The following TPRA1 variants were observed in gnomAD, a reference collection of about 807,000 sequenced individuals.
The protein encoded by TPRA1 is transmembrane protein adipocyte-associated 1.
Under a neutral mutation model 40.1 loss-of-function variants are expected in TPRA1, and 28 were observed. The observed-to-expected ratio is 0.70, with a 90% CI of 0.52 to 0.96. The LOEUF (loss-of-function observed/expected upper bound fraction) is 0.96, where lower values mean the gene tolerates loss of function less well. Among genes scored for constraint, TPRA1 ranks in the 40% least tolerant of loss-of-function variants. TPRA1 has a pLI of 0.00. For synonymous variants in TPRA1, 219 were observed against 209.7 expected (o/e 1.04, Z -0.38); for missense variants, 441 against 482.6 (o/e 0.91, Z 0.81).
Position 127,575,817 on chromosome 3 carries a change from G to A in TPRA1, c.610-8C>T, listed in dbSNP as rs747152835. 13 of 1,613,740 alleles carry A rather than the reference G, an allele frequency of 8.1e-6. No individual in the cohort carries two copies. Among genetic ancestry groups the A allele is most frequent in the Middle Eastern group, 1.6e-4 (1 of 6,084 alleles). On this transcript the variant is annotated splice_polypyrimidine_tract_variant and splice_region_variant and intron_variant, in intron 7 of 10. Transcript: ENST00000355552. ...GACCACCAGAGAGTAGACCTACAGA[G>A]ACAGGCAGGGCTGAGAAGGTGCTGG...
intron 3 of TPRA1, among the ~76,000 whole-genome samples, chr3:127,579,305 C>G (rs1446793831): frequency 6.6e-6 from 1 of 152,230 alleles, no homozygotes; most frequent in African/African-American, 2.4e-5. Flanking sequence ...CTAGTACCAG[C>G]TCCCCAATTC....
intron 1 of TPRA1, 197 bp from the exon 2 acceptor site, chr3:127,580,360 C>G: frequency 1.7e-6 from 1 of 586,364 alleles, no homozygotes; most frequent in South Asian, 2.2e-5. Flanking sequence ...CCCAGTCCCC[C>G]ATCTCAGGCT....
intron 3 of TPRA1, among the ~76,000 whole-genome samples, chr3:127,578,035 G>A (rs796344734): frequency 5.3e-5 from 8 of 152,280 alleles, no homozygotes; most frequent in African/African-American, 1.9e-4. Context: ...AGATGGAGAT[G>A]GTGCCCCAGC....
chr3:127,579,906 G>A (rs376904444), intron 2 of TPRA1, 34 bp from the exon 3 acceptor site: 57 of 1,611,424 alleles, frequency 3.5e-5, no homozygotes, highest in African/African-American at 2.3e-4. Flanking sequence ...GCTCACTGGC[G>A]AGGCCACATA....
intron 8 of TPRA1, 90 bp from the exon 9 acceptor site, chr3:127,575,595 C>G: frequency 1.4e-6 from 2 of 1,448,200 alleles, no homozygotes; most frequent in South Asian, 2.6e-5. Flanking sequence ...CCTGGTGTGT[C>G]CCCCGGGGCC....
upstream of TPRA1, among the ~76,000 whole-genome samples, chr3:127,591,418 C>T (rs1041182279): frequency 2.0e-5 from 3 of 152,240 alleles, no homozygotes; most frequent in Non-Finnish European, 4.4e-5. Context: ...CAGGACGCCT[C>T]TCCCCAACTC....
Position 127,572,646 on chromosome 3 carries a change from C to T in TPRA1, c.*875G>A, listed in dbSNP as rs901308991. 2.0e-5 allele frequency among the ~76,000 whole-genome samples: 3 copies of T among 152,194 alleles called. No individual in the cohort carries two copies. The highest frequency in any genetic ancestry group is 2.1e-4 in the South Asian group (1 of 4,836). On this transcript the variant is annotated 3_prime_UTR_variant, in exon 11 of 11. Coordinates refer to ENST00000355552, the MANE Select transcript of TPRA1 (RefSeq NM_001136053.4). ...GCTATCCTTATCGTTCATTACTGTACGCCAGCCACTCGTGCTTAGTGTTTT... is the reference window on the plus strand; with the variant it reads ...GCTATCCTTATCGTTCATTACTGTATGCCAGCCACTCGTGCTTAGTGTTTT...
In TPRA1 at chr3:127,571,816, C is replaced by T. The variant is rs1048882252; in HGVS notation, c.*1705G>A. ...TTTTCTTGCCATGTACATATATGAC[C>T]TATTTTTAAAAAACAAACTTAAAAA... On this transcript the variant is annotated 3_prime_UTR_variant, in exon 11 of 11. Transcript: ENST00000355552. 5.9e-5 allele frequency: 9 copies of T among 152,118 alleles called. No homozygotes were observed. The highest frequency in any genetic ancestry group is 2.2e-4 in the African/African-American group (9 of 41,434). 9.4% of individuals were successfully genotyped at this position (152,118 alleles called of 1,614,324 possible).
Position 127,573,402 on chromosome 3 carries a change from C to G in TPRA1, c.*119G>C, listed in dbSNP as rs1264583852. 17 of 1,343,072 alleles carry G rather than the reference C, an allele frequency of 1.3e-5. No homozygotes were observed. Among genetic ancestry groups the G allele is most frequent in the African/African-American group, 2.9e-5 (2 of 68,308 alleles). The allele number at this position is 1,343,072 out of a possible 1,614,324, so 83.2% of individuals were successfully genotyped here. ...GGGGCCTCCAGACTCATGGTGGGAA[C>G]AGGGCCACACAGGGCTACTGCCCAC... On this transcript the variant is annotated 3_prime_UTR_variant, in exon 11 of 11. Transcript: ENST00000355552.
At chr3:127,589,706 C>T (rs2074109384) in intron 1 of TPRA1, among the ~76,000 whole-genome samples, 2 of 152,152 alleles carry the variant, frequency 1.3e-5, no homozygotes, top group South Asian at 2.1e-4. Flanking sequence ...GAGAAGCCTT[C>T]CCTTCTCAGC....
intron 3 of TPRA1, among the ~76,000 whole-genome samples, chr3:127,579,389 C>A (rs1162667230): frequency 6.6e-6 from 1 of 152,194 alleles, no homozygotes; most frequent in Non-Finnish European, 1.5e-5. Flanking sequence ...TGCCCCTTTC[C>A]TTGCTAGCCA....
intron 1 of TPRA1, among the ~76,000 whole-genome samples, chr3:127,590,123 C>A: frequency 6.6e-6 from 1 of 152,200 alleles, no homozygotes; most frequent in East Asian, 1.9e-4. Context: ...TCCACCCGCA[C>A]TGCCTCCAGC....
At position 127,572,151 on chromosome 3, in the gene TPRA1, C is replaced by A. The variant is rs914877465; in HGVS notation, c.*1370G>T. Reference sequence around the variant, plus strand: ...CCTGTCCGCTATCAACCCTCCAGGCCCTCCCAGGGAGCCTGACACATTGGC... The same window carrying A: ...CCTGTCCGCTATCAACCCTCCAGGCACTCCCAGGGAGCCTGACACATTGGC... On this transcript the variant is annotated 3_prime_UTR_variant, in exon 11 of 11. Coordinates refer to ENST00000355552, the MANE Select transcript of TPRA1 (RefSeq NM_001136053.4). Among the ~76,000 whole-genome samples, 2 of 152,240 alleles carry A rather than the reference C, an allele frequency of 1.3e-5. No individual in the cohort carries two copies. The highest frequency in any genetic ancestry group is 4.8e-5 in the African/African-American group (2 of 41,462).
At chr3:127,583,301 G>A (rs2073890508) in intron 1 of TPRA1, among the ~76,000 whole-genome samples, 1 of 150,888 alleles carries the variant, frequency 6.6e-6, no homozygotes, top group Non-Finnish European at 1.5e-5. Context: ...CAACAAGAGT[G>A]AAACTCCATC....
intron 10 of TPRA1, among the ~76,000 whole-genome samples, chr3:127,574,805 G>A (rs146929378): frequency 2.6e-4 from 39 of 152,352 alleles, no homozygotes; most frequent in Admixed American, 9.1e-4. Context: ...ATGTGGATAT[G>A]TGCATATATC....
At chr3:127,580,259 G>A (rs1286249675) in intron 1 of TPRA1, 96 bp from the exon 2 acceptor site, 67 of 1,398,212 alleles carry the variant, frequency 4.8e-5, no homozygotes, top group Non-Finnish European at 6.2e-5. Flanking sequence ...CAGAGGGGCT[G>A]CACAGAGCAC....
intron 10 of TPRA1, among the ~76,000 whole-genome samples, chr3:127,574,500 C>T (rs1355903168): frequency 6.6e-6 from 1 of 152,194 alleles, no homozygotes. Flanking sequence ...GTGTACTCAC[C>T]CCCAGAGAAT....
At chr3:127,579,993 G>T in intron 2 of TPRA1, 29 bp downstream of exon 2, 2 of 1,612,312 alleles carry the variant, frequency 1.2e-6, no homozygotes, top group Non-Finnish European at 8.5e-7. Flanking sequence ...GACACTCAGC[G>T]AGCCTGCCCA....
chr3:127,578,098 G>A (rs997120436), intron 3 of TPRA1, among the ~76,000 whole-genome samples: 23 of 144,728 alleles, frequency 1.6e-4, no homozygotes, highest in African/African-American at 5.3e-4. Context: ...GAACTGCCCA[G>A]TTTCTCAGTC....
Sources: allele counts gnomAD v4.1 joint callset (sites outside exome capture counted in the v4.1 genomes callset), GRCh38; gene constraint gnomAD v4.1.1; transcripts MANE v1.5; gene names NCBI Gene and HGNC (gene_info 2026-07-23, HGNC 2026-07-21).